FMO1: variants seen among roughly 807,000 people sequenced by gnomAD.
The protein encoded by FMO1 is flavin-containing monooxygenase 1.
Under a neutral mutation model 45.4 loss-of-function variants are expected in FMO1, and 36 were observed. The observed-to-expected ratio is 0.79, with a 90% CI of 0.61 to 1.05. The LOEUF (loss-of-function observed/expected upper bound fraction) is 1.05. FMO1 is among the 50% of genes least tolerant of loss of function. The probability of loss-of-function intolerance (pLI) is 0.00; values close to 1 mark genes in which losing one functional copy is unlikely to be tolerated. For synonymous variants in FMO1, 228 were observed against 227.2 expected (o/e 1.00, Z -0.03); for missense variants, 615 against 640.3 (o/e 0.96, Z 0.43).
chr1:171,267,723 C>G lies in FMO1; in HGVS notation c.313C>G (p.Gln105Glu). The G allele has an allele frequency of 6.2e-7, 1 of 1,606,942 alleles. No homozygotes were observed. Among genetic ancestry groups the G allele is most frequent in the Middle Eastern group, 1.7e-4 (1 of 6,024 alleles). Residue 105 changes from glutamine to glutamate, a missense_variant, in exon 3 of 9, where the codon CAA becomes GAA. Gln to Glu is a conservative substitution (Grantham distance 29). Coordinates refer to ENST00000617670, the MANE Select transcript of FMO1 (RefSeq NM_001282693.2). ...CCACTTTGACCTTCTGAAACACATT[C>G]AATTCAAGGTAAGACACAAAACATC... is the stretch of plus-strand genomic sequence containing the variant. ...ANHFDLLKHI[Q>E]FKTKVCSVTK...
chr1:171,253,680 G>C (rs544204493), intron 1 of FMO1, among the ~76,000 whole-genome samples: 1 of 152,006 alleles, frequency 6.6e-6, no homozygotes, highest in African/African-American at 2.4e-5. Flanking sequence ...AGAATCGCTC[G>C]AACCCAGGAG....
In FMO1 at chr1:171,273,906, C is replaced by T. The variant is rs183221304; in HGVS notation, c.322-1440C>T. On this transcript the variant is annotated intron_variant, in intron 3 of 8. Coordinates refer to ENST00000617670, the MANE Select transcript of FMO1 (RefSeq NM_001282693.2). Reference sequence around the variant, plus strand: ...CAAGGCCAGGTGCAGTGGCCCACACCTGTAATCCCAGCACTTTGGGGGGCC... The same window carrying T: ...CAAGGCCAGGTGCAGTGGCCCACACTTGTAATCCCAGCACTTTGGGGGGCC... Among the ~76,000 whole-genome samples the T allele has an allele frequency of 6.8e-4, 104 of 152,248 alleles. 1 individual carries two copies. Among genetic ancestry groups the T allele is most frequent in the African/African-American group, 2.4e-3 (99 of 41,560 alleles).
At chr1:171,263,341 G>A (rs1286389925) in intron 2 of FMO1, among the ~76,000 whole-genome samples, 2 of 152,206 alleles carry the variant, frequency 1.3e-5, no homozygotes, top group African/African-American at 4.8e-5. Context: ...ACTGAGAGAA[G>A]TTAAGAAAAT....
Position 171,278,754 on chromosome 1 carries a change from C to G in FMO1, c.510C>G (p.Tyr170Ter). The G allele has an allele frequency of 6.2e-7, 1 of 1,609,270 alleles. No individual in the cohort carries two copies. Among genetic ancestry groups the G allele is most frequent in the Non-Finnish European group, 8.5e-7 (1 of 1,176,474 alleles). ...GTATTAATGCCTTTAAAGGCCAGTA[C>G]TTTCATAGCCGGCAATATAAGCATC... Reference protein sequence around the residue: ...FPGINAFKGQYFHSRQYKHPD... With the variant: ...FPGINAFKGQ Residue 170 changes from tyrosine to a stop codon, truncating the protein, a stop_gained, in exon 5 of 9, where the codon TAC becomes TAG. Transcript: ENST00000617670. LOFTEE classifies it high-confidence loss of function.
At chr1:171,265,434 C>T (rs949847341) in intron 2 of FMO1, among the ~76,000 whole-genome samples, 1 of 150,702 alleles carries the variant, frequency 6.6e-6, no homozygotes, top group African/African-American at 2.4e-5. Flanking sequence ...AAAAAGAATG[C>T]TTAGAAAAAT....
intron 3 of FMO1, among the ~76,000 whole-genome samples, chr1:171,269,009 C>A (rs1027806946): frequency 5.9e-5 from 9 of 152,174 alleles, no homozygotes; most frequent in African/African-American, 1.9e-4. Flanking sequence ...TCTCTGCTTG[C>A]TGCCATGCAC....
intron 4 of FMO1, 139 bp downstream of exon 4, chr1:171,275,647 T>G: frequency 1.6e-6 from 1 of 623,094 alleles, no homozygotes; most frequent in Non-Finnish European, 2.6e-6. Flanking sequence ...TTTTGTTTTG[T>G]TTTGTTTTTT....
Position 171,276,407 on chromosome 1 carries a change from C to T in FMO1, c.484+899C>T, listed in dbSNP as rs1571354280. 4.6e-5 allele frequency among the ~76,000 whole-genome samples: 7 copies of T among 152,292 alleles called. No individual in the cohort carries two copies. In the South Asian group the frequency reaches 1.4e-3, roughly 32 times the overall value. On this transcript the variant is annotated intron_variant, in intron 4 of 8. Transcript: ENST00000617670. ...TGCAGGAAATTATTTTTCAGCAATTCTGAGAGAGGCTCCATAGCCTCTTCT... is the reference window on the plus strand; with the variant it reads ...TGCAGGAAATTATTTTTCAGCAATTTTGAGAGAGGCTCCATAGCCTCTTCT...
Position 171,280,782 on chromosome 1 carries a change from C to T in FMO1, c.628-4C>T. On this transcript the variant is annotated splice_polypyrimidine_tract_variant and splice_region_variant and intron_variant, in intron 5 of 8. Coordinates refer to ENST00000617670, the MANE Select transcript of FMO1 (RefSeq NM_001282693.2). ...AATGAAGGGATGTCTTTGATTGCTT[C>T]CAGGTGTTCCTCAGCACCACCGGAG... 6.2e-7 allele frequency: 1 copy of T among 1,611,466 alleles called. No homozygotes were observed. The highest frequency in any genetic ancestry group is 8.5e-7 in the Non-Finnish European group (1 of 1,179,128).
chr1:171,267,827 T>A, intron 3 of FMO1, 96 bp downstream of exon 3: 1 of 853,672 alleles, frequency 1.2e-6, no homozygotes, highest in Non-Finnish European at 1.8e-6. Flanking sequence ...GATGAGATAC[T>A]AAACTGGCAA....
chr1:171,253,932 G>C (rs1323200034), intron 1 of FMO1: 1 of 152,168 alleles, frequency 6.6e-6, no homozygotes, highest in East Asian at 1.9e-4. Context: ...ACAGTAGTGA[G>C]AAAGGGGGAA....
intron 5 of FMO1, 66 bp downstream of exon 5, chr1:171,278,937 T>C: frequency 4.0e-6 from 5 of 1,240,204 alleles, no homozygotes; most frequent in Non-Finnish European, 5.5e-6. Flanking sequence ...CAAATGGTGT[T>C]TGACACCATG....
chr1:171,263,451 G>A lies in FMO1; in HGVS notation c.133-4092G>A, dbSNP rs144702647. ...AAGAACTACATTGCATGCATTTCTG[G>A]AGTCTGTTTCACAGCTCAAGAATCA... On this transcript the variant is annotated intron_variant, in intron 2 of 8. Transcript: ENST00000617670. Among the ~76,000 whole-genome samples, 4 of 152,246 alleles carry A rather than the reference G, an allele frequency of 2.6e-5. No individual in the cohort carries two copies. The East Asian group carries it at 7.7e-4, about 29-fold the overall frequency.
chr1:171,279,685 T>A (rs1007336055), intron 5 of FMO1, among the ~76,000 whole-genome samples: 8 of 152,102 alleles, frequency 5.3e-5, no homozygotes, highest in Non-Finnish European at 1.2e-4. Context: ...AAACAAATCC[T>A]CAGAAGAGCC....
At position 171,253,259 on chromosome 1, in the gene FMO1, C is replaced by T. The variant is rs532822103; in HGVS notation, c.-7+4636C>T. On this transcript the variant is annotated intron_variant, in intron 1 of 8. Transcript: ENST00000617670. ...CATTAAACACACATTTCTAGTTTAC[C>T]CCATGGCTCTGATTCCAGATATACT... Among the ~76,000 whole-genome samples, 3 of 152,192 alleles carry T rather than the reference C, an allele frequency of 2.0e-5. No homozygotes were observed. The East Asian group carries it at 5.8e-4, about 29-fold the overall frequency.
At chr1:171,257,409 T>G (rs1204375598) in intron 1 of FMO1, among the ~76,000 whole-genome samples, 3 of 152,028 alleles carry the variant, frequency 2.0e-5, no homozygotes, top group African/African-American at 7.3e-5. Flanking sequence ...AGGGATGGCT[T>G]TGCATGCCTA....
chr1:171,258,195 C>A lies in FMO1; in HGVS notation c.108C>A (p.Asp36Glu). The change falls in exon 2 of 9, where the codon GAC becomes GAA. Residue 36 changes from aspartate (D) to glutamate (E), a missense_variant. Coordinates refer to ENST00000617670, the MANE Select transcript of FMO1 (RefSeq NM_001282693.2). The part of the protein sequence containing the change: ...LEPTCFERSD[D>E]LGGLWRFTEH... Reference sequence around the variant, plus strand: ...CCACCTGCTTTGAGAGGAGCGATGACCTTGGGGGGCTGTGGAGATTCACCG... The same window carrying A: ...CCACCTGCTTTGAGAGGAGCGATGAACTTGGGGGGCTGTGGAGATTCACCG... 6.2e-7 allele frequency: 1 copy of A among 1,614,110 alleles called. No individual in the cohort carries two copies. The highest frequency in any genetic ancestry group is 8.5e-7 in the Non-Finnish European group (1 of 1,180,022).
intron 1 of FMO1, 196 bp from the exon 2 acceptor site, chr1:171,257,886 G>A (rs929968451): frequency 6.6e-5 from 38 of 573,584 alleles, no homozygotes; most frequent in Non-Finnish European, 9.6e-5. Flanking sequence ...CATGAGGGGC[G>A]GGAACATACC....
In FMO1 at chr1:171,282,309, C is replaced by T. The variant is rs759741032; in HGVS notation, c.1159C>T (p.Arg387Trp). Residue 387 changes from arginine to tryptophan, a missense_variant, in exon 7 of 9, where the codon CGG (arginine) becomes TGG (tryptophan). By Grantham distance (101) the Arg-to-Trp change is moderately radical. Transcript: ENST00000617670. ...GATACCTACAGGAGAAACACAAGCT[C>T]GGTGGGCTGTTCGAGTCCTGAAAGG... ...SMIPTGETQARWAVRVLKGVN... is the reference protein window; with the variant it reads ...SMIPTGETQAWWAVRVLKGVN... 16 of 1,611,524 alleles carry T rather than the reference C, an allele frequency of 9.9e-6. No homozygotes were observed. Among genetic ancestry groups the T allele is most frequent in the Non-Finnish European group, 1.4e-5 (16 of 1,178,254 alleles).
Sources: gnomAD v4.1 joint callset for allele counts (sites outside exome capture counted in the v4.1 genomes callset) on GRCh38, gnomAD v4.1.1 for gene constraint, MANE v1.5 for transcripts, NCBI Gene and HGNC (gene_info 2026-07-23, HGNC 2026-07-21) for gene names.